Variants in VMO1 observed in about 807,000 individuals in gnomAD.
VMO1 encodes vitelline membrane outer layer 1 homolog.
VMO1 carries 13 observed loss-of-function variants against 10.1 expected under a neutral mutation model. That is an observed-to-expected ratio of 1.29 (90% CI 0.84 to 2.05). VMO1 has a LOEUF of 2.05. VMO1 is among the 30% of genes most tolerant of loss of function. VMO1 has a pLI of 0.00. For synonymous variants in VMO1, 117 were observed against 122.2 expected (o/e 0.96, Z 0.28); for missense variants, 304 against 276.9 (o/e 1.10, Z -0.70).
At chr17:4,785,710 G>C in intron 2 of VMO1, 51 bp from the exon 3 acceptor site, 1 of 1,551,260 alleles carries the variant, frequency 6.4e-7, no homozygotes, top group Non-Finnish European at 8.7e-7. Context: ...CATTCACCAA[G>C]CCCTTGAGAC....
At chr17:4,785,840 G>A in intron 2 of VMO1, 97 bp downstream of exon 2, 1 of 1,574,596 alleles carries the variant, frequency 6.4e-7, no homozygotes, top group Non-Finnish European at 8.6e-7. Context: ...CTGCCCCGTA[G>A]CTCTGGCGGA....
intron 2 of VMO1, 117 bp from the exon 3 acceptor site, chr17:4,785,776 C>T (rs1917461020): frequency 2.6e-6 from 4 of 1,509,590 alleles, no homozygotes; most frequent in East Asian, 2.5e-5. Flanking sequence ...CCCCGACCTC[C>T]GCCGAGGAGC....
At position 4,785,694 on chromosome 17, in the gene VMO1, GC is replaced by G. The variant is rs377466820; in HGVS notation, c.312-36del. 8 of 1,576,924 alleles carry G rather than the reference GC, an allele frequency of 5.1e-6. No homozygotes were observed. In the African/African-American group the frequency reaches 1.1e-4, roughly 21 times the overall value. ...AAAGGGAGATGCGTTGCCTCTGCGG[GC>G]CCCCCATTCACCAAGCCCTTGAGAC... On this transcript the variant is annotated intron_variant, in intron 2 of 2. Transcript: ENST00000328739.
At position 4,786,280 on chromosome 17, in the gene VMO1, G is replaced by A. The variant is rs1430645638; in HGVS notation, c.73C>T (p.Gln25Ter). The change falls in exon 1 of 3, where the codon CAG (glutamine) becomes TAG (stop). Residue 25 changes from glutamine to a stop codon, truncating the protein, a stop_gained. Coordinates refer to ENST00000328739, the MANE Select transcript of VMO1 (RefSeq NM_182566.3). LOFTEE classifies it high-confidence loss of function. ...GTGTAGCCGTTCCGGCCATCTGTCT[G>A]TGCACATGTGAAACCAGTCGCCCGC... ...LLRATGFTCA[Q>*]TDGRNGYTAV... 3.7e-6 allele frequency: 6 copies of A among 1,609,990 alleles called. No individual in the cohort carries two copies. The highest frequency in any genetic ancestry group is 5.1e-6 in the Non-Finnish European group (6 of 1,179,502).
rs746912696 is a variant in VMO1, at chr17:4,785,659, G to C, written c.312C>G (p.Ser104Arg). 3 of 1,608,458 alleles carry C rather than the reference G, an allele frequency of 1.9e-6. No individual in the cohort carries two copies. In the South Asian group the frequency reaches 3.3e-5, roughly 18 times the overall value. Reference protein sequence around the residue: ...NTHVVESQSGSWGEWSEPLWC... With the variant: ...NTHVVESQSGRWGEWSEPLWC... ...ACAGCGGCTCACTCCATTCGCCCCA[G>C]CTGCAAGGCAAAGGGAGATGCGTTG... Residue 104 changes from serine (S) to arginine (R), a missense_variant and splice_region_variant, in exon 3 of 3, where the codon AGC becomes AGG. Coordinates refer to ENST00000328739, the MANE Select transcript of VMO1 (RefSeq NM_182566.3).
At chr17:4,785,810 C>T (rs1441042157) in intron 2 of VMO1, 127 bp downstream of exon 2, 14 of 1,534,652 alleles carry the variant, frequency 9.1e-6, no homozygotes, top group African/African-American at 1.4e-5. Flanking sequence ...TCCATCCACC[C>T]TTCGCCTCCC....
intron 2 of VMO1, 113 bp from the exon 3 acceptor site, chr17:4,785,772 C>T (rs1206308769): frequency 1.3e-6 from 2 of 1,511,146 alleles, no homozygotes; most frequent in Admixed American, 4.2e-5. Flanking sequence ...TGCTCCCCGA[C>T]CTCCGCCGAG....
Position 4,785,614 on chromosome 17 carries a change from G to A in VMO1, c.357C>T (p.Tyr119=), listed in dbSNP as rs1917453841. The A allele has an allele frequency of 1.2e-6, 2 of 1,612,842 alleles. No homozygotes were observed. The highest frequency in any genetic ancestry group is 1.7e-6 in the Non-Finnish European group (2 of 1,180,000). ...SEPLWCRGGA[Y]LVAFSLRVEA... ...CCACGCGAAGCGAGAAAGCCACTAG[G>A]TAGGCGCCGCCGCGACACCACAGCG... Residue 119 remains tyrosine, a synonymous_variant, in exon 3 of 3, where the codon TAC becomes TAT. Coordinates refer to ENST00000328739, the MANE Select transcript of VMO1 (RefSeq NM_182566.3).
Position 4,786,288 on chromosome 17 carries a change from G to C in VMO1, c.65C>G (p.Thr22Arg). 2 of 1,609,082 alleles carry C rather than the reference G, an allele frequency of 1.2e-6. No homozygotes were observed. The highest frequency in any genetic ancestry group is 1.7e-6 in the Non-Finnish European group (2 of 1,179,404). Residue 22 changes from threonine (T) to arginine (R), a missense_variant, in exon 1 of 3, where the codon ACA becomes AGA. By Grantham distance (71) the Thr-to-Arg change is moderately conservative. Coordinates refer to ENST00000328739, the MANE Select transcript of VMO1 (RefSeq NM_182566.3). ...GTTCCGGCCATCTGTCTGTGCACAT[G>C]TGAAACCAGTCGCCCGCAGAAGCAG... ...LLLLLRATGF[T>R]CAQTDGRNGY...
chr17:4,785,356 C>T lies in VMO1; in HGVS notation c.*6G>A, dbSNP rs780290717. On this transcript the variant is annotated 3_prime_UTR_variant, in exon 3 of 3. Transcript: ENST00000328739. ...GCCCGGGAGAGAGCGGCGGCGGCGG[C>T]GCCGTTCAACTGCGGCAGCAGAATA... The T allele has an allele frequency of 1.9e-5, 30 of 1,595,568 alleles. No individual in the cohort carries two copies. Among genetic ancestry groups the T allele is most frequent in the Non-Finnish European group, 2.3e-5 (27 of 1,169,738 alleles).
In VMO1 at chr17:4,786,069, G is replaced by A. The variant is rs73339972; in HGVS notation, c.196-17C>T. 12,756 of 1,614,084 alleles carry A rather than the reference G, an allele frequency of 7.9e-3. 845 individuals are homozygous for A. In the African/African-American group the frequency reaches 0.15, roughly 18 times the overall value. On this transcript the variant is annotated splice_polypyrimidine_tract_variant and intron_variant, in intron 1 of 2. Coordinates refer to ENST00000328739, the MANE Select transcript of VMO1 (RefSeq NM_182566.3). Reference sequence around the variant, plus strand: ...AGGCTCCACCTGGGTATCGAGGAGAGGGGCAAGGGCGAGTCACGGAATTAT... The same window carrying A: ...AGGCTCCACCTGGGTATCGAGGAGAAGGGCAAGGGCGAGTCACGGAATTAT...
Position 4,785,354 on chromosome 17 carries a change from G to A in VMO1, c.*8C>T. 3 of 1,595,210 alleles carry A rather than the reference G, an allele frequency of 1.9e-6. No homozygotes were observed. The highest frequency in any genetic ancestry group is 2.6e-6 in the Non-Finnish European group (3 of 1,169,292). Reference sequence around the variant, plus strand: ...TGGCCCGGGAGAGAGCGGCGGCGGCGGCGCCGTTCAACTGCGGCAGCAGAA... The same window carrying A: ...TGGCCCGGGAGAGAGCGGCGGCGGCAGCGCCGTTCAACTGCGGCAGCAGAA... On this transcript the variant is annotated 3_prime_UTR_variant, in exon 3 of 3. Coordinates refer to ENST00000328739, the MANE Select transcript of VMO1 (RefSeq NM_182566.3).
At chr17:4,785,742 A>C in intron 2 of VMO1, 83 bp from the exon 3 acceptor site, 1 of 1,519,992 alleles carries the variant, frequency 6.6e-7, no homozygotes. Context: ...AGTGCTGTGT[A>C]TATGACCTGG....
In VMO1 at chr17:4,786,202, C is replaced by G; in HGVS notation, c.151G>C (p.Glu51Gln). ...GCGAAGAATCCATCGGGACACATCT[C>G]AGGCCAGGCCCAGTCGCCCCAGGGA... ...GGPWGDWAWP[E>Q]MCPDGFFASG... The change falls in exon 1 of 3, where the codon GAG becomes CAG. Residue 51 changes from glutamate to glutamine, a missense_variant. Physicochemically the swap from Glu to Gln is conservative, Grantham distance 29. Transcript: ENST00000328739. 6.2e-7 allele frequency: 1 copy of G among 1,608,826 alleles called. No individual in the cohort carries two copies. Among genetic ancestry groups the G allele is most frequent in the Non-Finnish European group, 8.5e-7 (1 of 1,176,954 alleles).
Position 4,785,562 on chromosome 17 carries a change from TGTTGTCACCGAGG to T in VMO1, c.396_408del (p.Leu133GlnfsTer21). On this transcript the variant is annotated frameshift_variant, in exon 3 of 3. Coordinates refer to ENST00000328739, the MANE Select transcript of VMO1 (RefSeq NM_182566.3). LOFTEE classifies it low-confidence loss of function (END_TRUNC). ...CGGAAGCGCACGTTGTTCGCTGCTG[TGTTGTCACCGAGG>T]GTCGTGGGTGCCTCCACGCGAAGCG... The T allele has an allele frequency of 5.0e-6, 8 of 1,614,116 alleles. No individual in the cohort carries two copies. Among genetic ancestry groups the T allele is most frequent in the Non-Finnish European group, 6.8e-6 (8 of 1,180,044 alleles).
chr17:4,785,805 C>A (rs1917462655), intron 2 of VMO1, 132 bp downstream of exon 2: 2 of 1,529,012 alleles, frequency 1.3e-6, no homozygotes, highest in Admixed American at 4.0e-5. Flanking sequence ...GGTCTTCCAT[C>A]CACCCTTCGC....
Position 4,785,422 on chromosome 17 carries a change from A to G in VMO1, c.549T>C (p.Pro183=), listed in dbSNP as rs749052039. 6.2e-7 allele frequency: 1 copy of G among 1,614,180 alleles called. No homozygotes were observed. Residue 183 remains proline (P), a synonymous_variant, in exon 3 of 3, where the codon CCT becomes CCC. Transcript: ENST00000328739. ...ACGLQTKIQG[P]RGLGDDTALN... Reference sequence around the variant, plus strand: ...GCGCAGTGTCATCGCCGAGGCCTCTAGGTCCCTGGATCTTGGTCTGCAGGC... The same window carrying G: ...GCGCAGTGTCATCGCCGAGGCCTCTGGGTCCCTGGATCTTGGTCTGCAGGC...
rs778655644 is a variant in VMO1 at position 4,786,053 on chromosome 17, C to A, written c.196-1G>T. 4 of 1,614,094 alleles carry A rather than the reference C, an allele frequency of 2.5e-6. No individual in the cohort carries two copies. The African/African-American group carries it at 4.0e-5, about 16-fold the overall frequency. ...CAGGAATGCCTTGGGGAGGCTCCAC[C>A]TGGGTATCGAGGAGAGGGGCAAGGG... is the stretch of plus-strand genomic sequence containing the variant. On this transcript the variant is annotated splice_acceptor_variant, in intron 1 of 2. Coordinates refer to ENST00000328739, the MANE Select transcript of VMO1 (RefSeq NM_182566.3). LOFTEE classifies it high-confidence loss of function.
In VMO1 at chr17:4,786,097, T is replaced by G. The variant is rs1244459955; in HGVS notation, c.196-45A>C. Reference sequence around the variant, plus strand: ...GCAAGGGCGAGTCACGGAATTATCATCCTTGGCTCTATGGTCCCACGCATC... The same window carrying G: ...GCAAGGGCGAGTCACGGAATTATCAGCCTTGGCTCTATGGTCCCACGCATC... On this transcript the variant is annotated intron_variant, in intron 1 of 2. Transcript: ENST00000328739. 4 of 1,613,426 alleles carry G rather than the reference T, an allele frequency of 2.5e-6. No homozygotes were observed. In the East Asian group the frequency reaches 8.9e-5, roughly 36 times the overall value.
Sources: gnomAD v4.1 joint callset for allele counts on GRCh38, gnomAD v4.1.1 for gene constraint, MANE v1.5 for transcripts, NCBI Gene and HGNC (gene_info 2026-07-23, HGNC 2026-07-21) for gene names.